The following CCDC191 variants were observed in gnomAD, a reference collection of about 807,000 sequenced individuals.
CCDC191 encodes the protein coiled-coil domain containing 191.
In CCDC191, 99 loss-of-function variants were observed where a neutral mutation model predicts 114.0. The observed-to-expected ratio is 0.87, with a 90% CI of 0.74 to 1.03. CCDC191 has a LOEUF of 1.03. CCDC191 is among the 50% of genes least tolerant of loss of function. The pLI is 0.00. For missense variants in CCDC191, 973 were observed against 1,087.0 expected, an observed-to-expected ratio of 0.90 and a Z score of 1.47; for synonymous variants, 351 against 376.0, an observed-to-expected ratio of 0.93 and a Z score of 0.77.
At chr3:113,971,225 C>T (rs1559867575) in intron 16 of CCDC191, among the ~76,000 whole-genome samples, 1 of 152,120 alleles carries the variant, frequency 6.6e-6, no homozygotes, top group African/African-American at 2.4e-5. Flanking sequence ...TCTCCAGCAC[C>T]TGTTGTTTCC....
chr3:114,004,553 T>C (rs2075911869), intron 11 of CCDC191, 84 bp downstream of exon 11: 1 of 1,533,758 alleles, frequency 6.5e-7, no homozygotes, highest in Non-Finnish European at 8.8e-7. Context: ...ACCTCAAGAG[T>C]TGCCAGAATT....
intron 16 of CCDC191, 160 bp from the exon 17 acceptor site, chr3:113,965,519 GA>G (rs1399053712): frequency 2.4e-6 from 1 of 411,960 alleles, no homozygotes; most frequent in African/African-American, 2.1e-5. Flanking sequence ...GAAATGCTGT[GA>G]AAAAAATAAG....
chr3:113,980,637 T>C lies in CCDC191; in HGVS notation c.2307+13A>G, dbSNP rs781462133. ...CATTTTCTAATCTGGGGGATAACAG[T>C]GGGACAGTGTACCTGGATGTTTTGT... On this transcript the variant is annotated intron_variant, in intron 14 of 16. Coordinates refer to ENST00000295878, the MANE Select transcript of CCDC191 (RefSeq NM_020817.2). 1.3e-6 allele frequency: 2 copies of C among 1,572,650 alleles called. No individual in the cohort carries two copies. Among genetic ancestry groups the C allele is most frequent in the Non-Finnish European group, 1.7e-6 (2 of 1,167,750 alleles).
intron 14 of CCDC191, among the ~76,000 whole-genome samples, chr3:113,979,588 A>C (rs75517822): frequency 6.6e-6 from 1 of 152,388 alleles, no homozygotes; most frequent in East Asian, 1.9e-4. Flanking sequence ...AGATTTTTAA[A>C]AGTAACTGTT....
At chr3:113,992,030 T>C (rs1192409408) in intron 13 of CCDC191, among the ~76,000 whole-genome samples, 1 of 152,164 alleles carries the variant, frequency 6.6e-6, no homozygotes, top group East Asian at 1.9e-4. Context: ...ATTAGCAAGA[T>C]GGTGGAATAG....
chr3:113,967,161 C>T (rs1256292219), intron 16 of CCDC191, among the ~76,000 whole-genome samples: 3 of 152,112 alleles, frequency 2.0e-5, no homozygotes, highest in South Asian at 2.1e-4. Context: ...TCATTGCTTG[C>T]TTTTATCCAT....
chr3:113,978,884 TA>T lies in CCDC191; in HGVS notation c.2433del (p.Lys812ArgfsTer11). 6.2e-7 allele frequency: 1 copy of T among 1,614,018 alleles called. No individual in the cohort carries two copies. The highest frequency in any genetic ancestry group is 8.5e-7 in the Non-Finnish European group (1 of 1,179,914). Reference sequence around the variant, plus strand: ...TGTAGCCAGCTCTGGATGACTCTCTTAAGCAGTATTTGGGAATAAAATTGAT... The same window carrying T: ...TGTAGCCAGCTCTGGATGACTCTCTTAGCAGTATTTGGGAATAAAATTGAT... ...QADQFYSQIL[L>X]KRVIQSWLQY... On this transcript the variant is annotated frameshift_variant, in exon 15 of 17. Transcript: ENST00000295878. LOFTEE classifies it high-confidence loss of function.
chr3:114,025,305 C>T (rs547001962), intron 7 of CCDC191, among the ~76,000 whole-genome samples: 151 of 150,444 alleles, frequency 1.0e-3, no homozygotes, highest in Non-Finnish European at 1.7e-3. Flanking sequence ...GTTCTAAAAG[C>T]AGAAACAAAG....
intron 1 of CCDC191, among the ~76,000 whole-genome samples, chr3:114,053,940 A>G (rs2076731287): frequency 6.6e-6 from 1 of 152,138 alleles, no homozygotes; most frequent in African/African-American, 2.4e-5. Flanking sequence ...CCTTAGGGTT[A>G]AGAGTCAAGA....
intron 13 of CCDC191, among the ~76,000 whole-genome samples, chr3:113,991,261 C>CCT (rs1364012162): frequency 7.2e-6 from 1 of 139,848 alleles, no homozygotes; most frequent in African/African-American, 2.6e-5. Context: ...CAAACAAACC[C>CCT]CCCCCCCCAA....
At position 114,005,833 on chromosome 3, in the gene CCDC191, G is replaced by A. The variant is rs758936813; in HGVS notation, c.1543C>T (p.Pro515Ser). Residue 515 changes from proline (P) to serine (S), a missense_variant, in exon 10 of 17, where the codon CCT (proline) becomes TCT (serine). Coordinates refer to ENST00000295878, the MANE Select transcript of CCDC191 (RefSeq NM_020817.2). ...GSLQNVSLSA[P>S]GNKQHKTLGA... ...AGGGTCTTGTGCTGCTTATTGCCAGGTGCACTCAGAGAGACATTCTGAAGG... is the reference window on the plus strand; with the variant it reads ...AGGGTCTTGTGCTGCTTATTGCCAGATGCACTCAGAGAGACATTCTGAAGG... The A allele has an allele frequency of 9.9e-6, 16 of 1,613,896 alleles. No individual in the cohort carries two copies. The highest frequency in any genetic ancestry group is 1.3e-5 in the Non-Finnish European group (15 of 1,179,990).
chr3:114,034,519 GA>G (rs971462644), intron 6 of CCDC191, among the ~76,000 whole-genome samples: 1 of 152,078 alleles, frequency 6.6e-6, no homozygotes, highest in Non-Finnish European at 1.5e-5. Flanking sequence ...ACAAAAGAGT[GA>G]AAAAACTCTA....
rs144428629 is a variant in CCDC191 at position 114,031,773 on chromosome 3, C to T, written c.825G>A (p.Lys275=). ...TTTGAGAATTCTCTTCTTGCCTTTTCTTCTCTCTATTAATAACAATTTAAA... is the reference window on the plus strand; with the variant it reads ...TTTGAGAATTCTCTTCTTGCCTTTTTTTCTCTCTATTAATAACAATTTAAA... The part of the protein sequence containing the change: ...RTVKAAWKIE[K]KRQEENSQNS... Residue 275 remains lysine (K), a synonymous_variant, in exon 7 of 17, where the codon AAG becomes AAA. Coordinates refer to ENST00000295878, the MANE Select transcript of CCDC191 (RefSeq NM_020817.2). 8 of 1,354,342 alleles carry T rather than the reference C, an allele frequency of 5.9e-6. No individual in the cohort carries two copies. The highest frequency in any genetic ancestry group is 8.4e-6 in the Non-Finnish European group (8 of 956,282). 83.9% of individuals were successfully genotyped at this position (1,354,342 alleles called of 1,614,324 possible).
chr3:113,979,186 T>G (rs1472092768), intron 14 of CCDC191, among the ~76,000 whole-genome samples, 176 bp from the exon 15 acceptor site: 1 of 152,178 alleles, frequency 6.6e-6, no homozygotes, highest in East Asian at 1.9e-4. Flanking sequence ...TCTATGGAGG[T>G]TATAGATTCA....
chr3:114,029,469 A>G (rs1473161799), intron 7 of CCDC191, among the ~76,000 whole-genome samples: 1 of 152,246 alleles, frequency 6.6e-6, no homozygotes, highest in Non-Finnish European at 1.5e-5. Flanking sequence ...AATTAAGTAT[A>G]GAAGAAATGA....
intron 9 of CCDC191, among the ~76,000 whole-genome samples, chr3:114,009,149 G>A (rs918577649): frequency 6.6e-6 from 1 of 152,186 alleles, no homozygotes; most frequent in Non-Finnish European, 1.5e-5. Context: ...AGGACTGGAA[G>A]TTGCTCTAGA....
chr3:114,053,558 C>T (rs1039739892), intron 2 of CCDC191, 39 bp downstream of exon 2: 28 of 1,306,714 alleles, frequency 2.1e-5, no homozygotes, highest in Non-Finnish European at 2.9e-5. Flanking sequence ...ATGCTTGACT[C>T]TTAATACTCT....
intron 13 of CCDC191, among the ~76,000 whole-genome samples, chr3:113,986,224 C>G (rs1262503303): frequency 6.6e-6 from 1 of 152,130 alleles, no homozygotes; most frequent in Non-Finnish European, 1.5e-5. Context: ...CTAGAAGATA[C>G]AGCCAAGGAA....
rs1487448885 is a variant in CCDC191, at chr3:114,005,835, G to A, written c.1541C>T (p.Ala514Val). Residue 514 changes from alanine to valine, a missense_variant, in exon 10 of 17, where the codon GCA (alanine) becomes GTA (valine). Physicochemically the swap from Ala to Val is moderately conservative, Grantham distance 64. Transcript: ENST00000295878. ...GGTCTTGTGCTGCTTATTGCCAGGT[G>A]CACTCAGAGAGACATTCTGAAGGGA... ...QGSLQNVSLS[A>V]PGNKQHKTLG... The A allele has an allele frequency of 7.4e-6, 12 of 1,613,908 alleles. No homozygotes were observed. The highest frequency in any genetic ancestry group is 1.1e-5 in the South Asian group (1 of 91,094).
Sources: gnomAD v4.1 joint callset for allele counts (sites outside exome capture counted in the v4.1 genomes callset) on GRCh38, gnomAD v4.1.1 for gene constraint, MANE v1.5 for transcripts, NCBI Gene and HGNC (gene_info 2026-07-23, HGNC 2026-07-21) for gene names.